Variants in BMPR2 observed in about 807,000 individuals in gnomAD.
BMPR2 encodes the protein bone morphogenetic protein receptor type 2.
In BMPR2, 29 loss-of-function variants were observed where a neutral mutation model predicts 100.8. The ratio of observed to expected loss-of-function variants is 0.29; its 90% CI spans 0.21 to 0.39. The LOEUF is 0.39. Ranked by LOEUF, BMPR2 falls within the 10% of genes least tolerant of loss-of-function variation. The pLI is 1.00. For missense variants in BMPR2, 1,011 were observed against 1,274.5 expected, an observed-to-expected ratio of 0.79 and a Z score of 3.15; for synonymous variants, 382 against 442.3, an observed-to-expected ratio of 0.86 and a Z score of 1.71.
At chr2:202,486,624 CAAAAAAA>C (rs200186562) in intron 3 of BMPR2, among the ~76,000 whole-genome samples, 3 of 113,544 alleles carry the variant, frequency 2.6e-5, no homozygotes, top group African/African-American at 1.0e-4. Context: ...AGACTGTCTC[CAAAAAAA>C]AAAAAAAAGA....
chr2:202,549,714 T>A (rs1471630492), intron 10 of BMPR2, among the ~76,000 whole-genome samples: 1 of 143,298 alleles, frequency 7.0e-6, no homozygotes, highest in African/African-American at 2.6e-5. Flanking sequence ...ACCACTGCAA[T>A]CCAGCCTGGG....
At chr2:202,430,735 G>A (rs1247554116) in intron 1 of BMPR2, among the ~76,000 whole-genome samples, 1 of 150,918 alleles carries the variant, frequency 6.6e-6, no homozygotes, top group Non-Finnish European at 1.5e-5. Flanking sequence ...TGAGGCAGGT[G>A]GATCACCTGA....
intron 10 of BMPR2, among the ~76,000 whole-genome samples, chr2:202,549,209 C>T (rs1688429591): frequency 6.6e-6 from 1 of 151,784 alleles, no homozygotes. Context: ...TATAATTATT[C>T]ATGTTCATTA....
intron 3 of BMPR2, among the ~76,000 whole-genome samples, chr2:202,485,543 A>ATTTTT (rs1574472655): frequency 2.1e-4 from 3 of 14,050 alleles, no homozygotes; most frequent in Non-Finnish European, 3.8e-4. Flanking sequence ...CTTTGCCTTT[A>ATTTTT]TCTTTTTTTT....
At position 202,564,581 on chromosome 2, in the gene BMPR2, A is replaced by G. The variant is rs1429967172; in HGVS notation, c.*4635A>G. ...ACTTTACCCAAAACTATCTTGCATG[A>G]TTCCCTCCTAAATATATTCCTTGAT... On this transcript the variant is annotated 3_prime_UTR_variant, in exon 13 of 13. Coordinates refer to ENST00000374580, the MANE Select transcript of BMPR2 (RefSeq NM_001204.7). The G allele has an allele frequency of 6.6e-6, 1 of 152,224 alleles. No individual in the cohort carries two copies. Among genetic ancestry groups the G allele is most frequent in the African/African-American group, 2.4e-5 (1 of 41,462 alleles). The allele number at this position is 152,224 out of a possible 1,614,324, so 9.4% of individuals were successfully genotyped here.
chr2:202,381,473 C>G (rs772350659), intron 1 of BMPR2, among the ~76,000 whole-genome samples: 10 of 152,162 alleles, frequency 6.6e-5, no homozygotes, highest in African/African-American at 2.4e-5. Flanking sequence ...CCAAGCCCAA[C>G]CCTACCAGCA....
chr2:202,419,543 G>C (rs11889765), intron 1 of BMPR2, among the ~76,000 whole-genome samples: 31,024 of 151,918 alleles, frequency 0.2, 4,209 homozygotes, highest in African/African-American at 0.39. Flanking sequence ...TTTTAGTAGA[G>C]ATGGGGTTTC....
intron 1 of BMPR2, among the ~76,000 whole-genome samples, chr2:202,423,979 G>A (rs142458290): frequency 0.013 from 1,905 of 150,662 alleles, 18 homozygotes; most frequent in Non-Finnish European, 0.018. Flanking sequence ...AGGCTGAGGC[G>A]TGAGAATTGC....
intron 1 of BMPR2, among the ~76,000 whole-genome samples, chr2:202,431,549 A>C (rs1691502720): frequency 6.6e-6 from 1 of 150,702 alleles, no homozygotes; most frequent in Admixed American, 6.6e-5. Flanking sequence ...GGTCAACAGC[A>C]GACCTAATGA....
chr2:202,386,873 C>T (rs1447666798), intron 1 of BMPR2, among the ~76,000 whole-genome samples: 2 of 151,930 alleles, frequency 1.3e-5, no homozygotes, highest in Non-Finnish European at 2.9e-5. Flanking sequence ...TTAGTAGAGA[C>T]GGGATTTCAC....
chr2:202,443,170 C>T (rs912534724), intron 1 of BMPR2, among the ~76,000 whole-genome samples: 1 of 150,622 alleles, frequency 6.6e-6, no homozygotes, highest in Non-Finnish European at 1.5e-5. Flanking sequence ...ATGGATAGCA[C>T]CTGGATCTTG....
At chr2:202,400,951 A>G (rs990111766) in intron 1 of BMPR2, among the ~76,000 whole-genome samples, 1 of 152,204 alleles carries the variant, frequency 6.6e-6, no homozygotes, top group Non-Finnish European at 1.5e-5. Flanking sequence ...GATTTAGATA[A>G]AATGGTTTTA....
At chr2:202,412,914 G>C (rs894328196) in intron 1 of BMPR2, among the ~76,000 whole-genome samples, 2 of 148,824 alleles carry the variant, frequency 1.3e-5, no homozygotes, top group East Asian at 1.9e-4. Context: ...ACTATATGCT[G>C]TGTGTGTGTG....
intron 1 of BMPR2, among the ~76,000 whole-genome samples, chr2:202,427,667 A>G (rs1383046918): frequency 2.6e-5 from 4 of 152,088 alleles, no homozygotes; most frequent in Non-Finnish European, 5.9e-5. Context: ...TTATGCCTCT[A>G]CTGCACCATT....
chr2:202,458,282 G>GAAAAAA (rs1559044718), intron 1 of BMPR2, among the ~76,000 whole-genome samples: 1 of 45,410 alleles, frequency 2.2e-5, no homozygotes, highest in African/African-American at 8.2e-5. Context: ...CCTTGTCTCT[G>GAAAAAA]CAAAAAAAAA....
chr2:202,542,189 A>G (rs1400002477), intron 9 of BMPR2, 122 bp from the exon 10 acceptor site: 2 of 1,192,056 alleles, frequency 1.7e-6, no homozygotes, highest in African/African-American at 3.1e-5. Context: ...GAAGGGGATG[A>G]AAAAATAAAA....
rs541816045 is a variant in BMPR2 at position 202,467,724 on chromosome 2, T to A, written c.418+35T>A. ...GTAACCAACTTTTCTTTGTATTTCC[T>A]TTCTCCAAAGATTTGCAAAATATAA... On this transcript the variant is annotated intron_variant, in intron 3 of 12. Transcript: ENST00000374580. 7 of 1,576,936 alleles carry A rather than the reference T, an allele frequency of 4.4e-6. No individual in the cohort carries two copies. In the African/African-American group the frequency reaches 8.1e-5, roughly 18 times the overall value.
rs1280055545 is a variant in BMPR2, at chr2:202,495,200, T to G, written c.419-18519T>G. 6.6e-6 allele frequency among the ~76,000 whole-genome samples: 1 copy of G among 152,228 alleles called. No individual in the cohort carries two copies. The highest frequency in any genetic ancestry group is 1.5e-5 in the Non-Finnish European group (1 of 68,042). ...GGGATTTCTGTATCCCAGGGTTTCC[T>G]GCCTTGGTGTACGGGAAGAGTCGGC... is the stretch of plus-strand genomic sequence containing the variant. On this transcript the variant is annotated intron_variant, in intron 3 of 12. Transcript: ENST00000374580. The surrounding 1 kb of genome is among the most constrained non-coding windows in gnomAD (Gnocchi z 4.5).
rs1319746336 is a variant in BMPR2, at chr2:202,567,315, T to C, written c.*7369T>C. ...TTCCGGAAAAAGAAAGGCTAGAAAA[T>C]ACTCGCACTTCCTCAGAACCCTCTT... On this transcript the variant is annotated 3_prime_UTR_variant, in exon 13 of 13. Coordinates refer to ENST00000374580, the MANE Select transcript of BMPR2 (RefSeq NM_001204.7). The C allele has an allele frequency of 6.6e-6, 1 of 152,578 alleles. No homozygotes were observed. Among genetic ancestry groups the C allele is most frequent in the Non-Finnish European group, 1.5e-5 (1 of 68,024 alleles). The allele number at this position is 152,578 out of a possible 1,614,324, so 9.5% of individuals were successfully genotyped here. A position where few individuals can be genotyped will look rare whatever the true frequency, so the allele number is the denominator to read the frequency against.
Sources: allele counts gnomAD v4.1 joint callset (sites outside exome capture counted in the v4.1 genomes callset), GRCh38; gene constraint gnomAD v4.1.1; non-coding constraint Gnocchi (gnomAD v3.1); transcripts MANE v1.5; gene names NCBI Gene and HGNC (gene_info 2026-07-23, HGNC 2026-07-21).